TBCK: variants seen among roughly 807,000 people sequenced by gnomAD.
TBCK encodes the protein TBC1 domain containing kinase, also known as TBC domain-containing protein kinase-like protein.
A neutral mutation model predicts 113.4 loss-of-function variants in TBCK; 99 were observed. That is an observed-to-expected ratio of 0.87 (90% CI 0.74 to 1.03). The LOEUF (loss-of-function observed/expected upper bound fraction) is 1.03. TBCK is among the 50% of genes least tolerant of loss of function. TBCK has a pLI of 0.00. For missense variants in TBCK, 1,045 were observed against 1,061.3 expected (o/e 0.98, Z 0.21); for synonymous variants, 369 against 370.8 (o/e 1.00, Z 0.05).
rs200359412 is a variant in TBCK, at chr4:106,114,743, T to C, written c.2411+1460A>G. Reference sequence around the variant, plus strand: ...GTTATAATGTTATTTTTTATGGTTTTATGGGAGAATTGCTATGAATAAAGA... The same window carrying C: ...GTTATAATGTTATTTTTTATGGTTTCATGGGAGAATTGCTATGAATAAAGA... On this transcript the variant is annotated intron_variant, in intron 24 of 25. Coordinates refer to ENST00000394708, the MANE Select transcript of TBCK (RefSeq NM_001163435.3). Among the ~76,000 whole-genome samples the C allele has an allele frequency of 5.9e-5, 9 of 152,320 alleles. No homozygotes were observed. The East Asian group carries it at 1.7e-3, about 29-fold the overall frequency.
At position 106,045,983 on chromosome 4, in the gene TBCK, T is replaced by G. The variant is rs1278230610; in HGVS notation, c.*587A>C. On this transcript the variant is annotated 3_prime_UTR_variant, in exon 26 of 26. Transcript: ENST00000394708. ...CAAATATTCTATCAAATATAAATGG[T>G]TTCTAAATTTCATTTTTCTGGGAGT... is the stretch of plus-strand genomic sequence containing the variant. 1 of 152,226 alleles carries G rather than the reference T, an allele frequency of 6.6e-6. No homozygotes were observed. The highest frequency in any genetic ancestry group is 6.5e-5 in the Admixed American group (1 of 15,284). 9.4% of individuals were successfully genotyped at this position (152,226 alleles called of 1,614,324 possible).
intron 23 of TBCK, among the ~76,000 whole-genome samples, chr4:106,165,449 A>T (rs1380435896): frequency 6.6e-6 from 1 of 151,758 alleles, no homozygotes; most frequent in Non-Finnish European, 1.5e-5. Context: ...TTCTTTGAAA[A>T]GCCAGCCTCC....
chr4:106,079,916 T>C (rs1738659623), intron 25 of TBCK, among the ~76,000 whole-genome samples: 1 of 152,080 alleles, frequency 6.6e-6, no homozygotes, highest in Non-Finnish European at 1.5e-5. Context: ...AGAGAGGTGC[T>C]ACACACTTTT....
At chr4:106,195,029 G>A (rs1364345743) in intron 20 of TBCK, among the ~76,000 whole-genome samples, 1 of 151,950 alleles carries the variant, frequency 6.6e-6, no homozygotes, top group Admixed American at 6.6e-5. Context: ...CAATCTAGCT[G>A]TTTCTGTACC....
At chr4:106,155,430 A>C (rs376652284) in intron 23 of TBCK, among the ~76,000 whole-genome samples, 17 of 152,124 alleles carry the variant, frequency 1.1e-4, no homozygotes, top group East Asian at 3.9e-4. Flanking sequence ...AATAATTATC[A>C]CTCATTAACA....
At chr4:106,230,511 G>A in intron 18 of TBCK, 65 bp from the exon 19 acceptor site, 1 of 888,814 alleles carries the variant, frequency 1.1e-6, no homozygotes, top group Non-Finnish European at 1.8e-6. Context: ...CATCAGTAAT[G>A]CATTCACTTA....
chr4:106,046,802 T>C (rs750561828), intron 25 of TBCK, 122 bp from the exon 26 acceptor site: 9 of 532,358 alleles, frequency 1.7e-5, no homozygotes, highest in Non-Finnish European at 3.0e-5. Context: ...CACCACTGTA[T>C]AATAAGTTGT....
intron 20 of TBCK, among the ~76,000 whole-genome samples, chr4:106,209,366 AT>A (rs199799232): frequency 0.018 from 2,759 of 152,248 alleles, 77 homozygotes; most frequent in African/African-American, 0.061. Flanking sequence ...TTACTCTAAA[AT>A]TTTTTAAACC....
chr4:106,285,039 T>A (rs1382782024), intron 3 of TBCK, among the ~76,000 whole-genome samples: 1 of 152,140 alleles, frequency 6.6e-6, no homozygotes, highest in Non-Finnish European at 1.5e-5. Flanking sequence ...TTTCAAAAAA[T>A]AATTTTGATC....
chr4:106,186,937 G>T (rs1753088857), intron 22 of TBCK, among the ~76,000 whole-genome samples: 1 of 152,124 alleles, frequency 6.6e-6, no homozygotes, highest in South Asian at 2.1e-4. Context: ...AAGCGCTCCA[G>T]TTTCAATCTT....
intron 24 of TBCK, among the ~76,000 whole-genome samples, chr4:106,098,791 T>C (rs1741225825): frequency 6.6e-6 from 1 of 152,074 alleles, no homozygotes; most frequent in South Asian, 2.1e-4. Context: ...CTATATATCT[T>C]ACCCTGTCTT....
intron 23 of TBCK, among the ~76,000 whole-genome samples, chr4:106,153,058 C>T (rs1187528337): frequency 6.6e-6 from 1 of 151,958 alleles, no homozygotes; most frequent in Non-Finnish European, 1.5e-5. Flanking sequence ...TTCTTCATTT[C>T]AAATTAATTT....
chr4:106,099,493 GA>G (rs916683472), intron 24 of TBCK, among the ~76,000 whole-genome samples: 1 of 151,908 alleles, frequency 6.6e-6, no homozygotes, highest in Non-Finnish European at 1.5e-5. Context: ...TATCAACAGC[GA>G]AAAAGAAATA....
intron 11 of TBCK, among the ~76,000 whole-genome samples, chr4:106,244,153 AT>A (rs929282843): frequency 3.3e-5 from 5 of 152,114 alleles, no homozygotes; most frequent in Non-Finnish European, 5.9e-5. Flanking sequence ...AGTTAGGCAG[AT>A]TTTTTTGCAA....
chr4:106,202,712 C>T (rs1279906161), intron 20 of TBCK, among the ~76,000 whole-genome samples: 2 of 152,002 alleles, frequency 1.3e-5, no homozygotes, highest in Non-Finnish European at 2.9e-5. Flanking sequence ...TGTGAGTGCT[C>T]AGATGACAGT....
intron 23 of TBCK, among the ~76,000 whole-genome samples, chr4:106,147,097 C>T (rs1181334583): frequency 6.6e-6 from 1 of 152,206 alleles, no homozygotes; most frequent in Non-Finnish European, 1.5e-5. Flanking sequence ...AGTTCTAATT[C>T]TAGTTCTCTA....
chr4:106,069,576 C>T (rs975068514), intron 25 of TBCK, among the ~76,000 whole-genome samples: 27 of 152,242 alleles, frequency 1.8e-4, no homozygotes, highest in African/African-American at 6.0e-4. Context: ...AGTCAGGTAG[C>T]ATGATGCCTC....
At chr4:106,162,340 G>T (rs72968432) in intron 23 of TBCK, among the ~76,000 whole-genome samples, 2 of 152,136 alleles carry the variant, frequency 1.3e-5, no homozygotes, top group African/African-American at 4.8e-5. Context: ...TGCTTTCATA[G>T]GATGGTGTTG....
At chr4:106,315,317 T>C (rs578124857) in intron 1 of TBCK, among the ~76,000 whole-genome samples, 7 of 152,294 alleles carry the variant, frequency 4.6e-5, no homozygotes, top group African/African-American at 1.7e-4. Context: ...AACTTAGAGT[T>C]TTAAACGACT....
Sources: gnomAD v4.1 joint callset for allele counts (sites outside exome capture counted in the v4.1 genomes callset) on GRCh38, gnomAD v4.1.1 for gene constraint, MANE v1.5 for transcripts, NCBI Gene and HGNC (gene_info 2026-07-23, HGNC 2026-07-21) for gene names.